The following HDAC8 variants were observed in gnomAD, a reference collection of about 807,000 sequenced individuals.
HDAC8 encodes histone deacetylase 8, also known as histone deacetylase-like 1.
HDAC8 carries 1 observed loss-of-function variant against 32.2 expected under a neutral mutation model. That is an observed-to-expected ratio of 0.03 (90% CI 0.01 to 0.15). The LOEUF is 0.15. HDAC8 is among the 10% of genes least tolerant of loss of function. The probability of loss-of-function intolerance (pLI) is 1.00; values close to 1 mark genes in which losing one functional copy is unlikely to be tolerated. For synonymous variants in HDAC8, 108 were observed against 113.9 expected, an observed-to-expected ratio of 0.95 and a Z score of 0.33; for missense variants, 117 against 300.0, an observed-to-expected ratio of 0.39 and a Z score of 4.51.
intron 9 of HDAC8, among the ~76,000 whole-genome samples, chrX:72,443,107 G>C (rs1196755995): frequency 1.5e-4 from 17 of 110,125 alleles, no homozygotes; most frequent in Admixed American, 3.9e-4. Context: ...ACACCCCACT[G>C]TCAACATTAG....
At chrX:72,340,270 A>T (rs1017669692) in intron 10 of HDAC8, among the ~76,000 whole-genome samples, 1 of 111,612 alleles carries the variant, frequency 9.0e-6, no homozygotes, top group Non-Finnish European at 1.9e-5. Flanking sequence ...GGGCCCCGGC[A>T]GTTGTCTATC....
intron 4 of HDAC8, among the ~76,000 whole-genome samples, chrX:72,559,676 C>T (rs1177949027): frequency 2.8e-5 from 3 of 107,752 alleles, no homozygotes; most frequent in African/African-American, 6.8e-5. Flanking sequence ...GCACCTCTGC[C>T]CCGCCACCCC....
chrX:72,441,870 G>T (rs1166458162), intron 9 of HDAC8, among the ~76,000 whole-genome samples: 1 of 112,096 alleles, frequency 8.9e-6, no homozygotes, highest in Admixed American at 9.4e-5. Context: ...GCCAAGGCTC[G>T]AGAACTATGT....
intron 9 of HDAC8, among the ~76,000 whole-genome samples, chrX:72,430,231 C>T (rs2147948215): frequency 8.9e-6 from 1 of 111,906 alleles, no homozygotes; most frequent in South Asian, 3.8e-4. Context: ...TTTACCTCCT[C>T]TTGCCTCCTT....
chrX:72,388,592 G>T (rs1442933044), intron 9 of HDAC8, among the ~76,000 whole-genome samples: 1 of 77,597 alleles, frequency 1.3e-5, no homozygotes, highest in Non-Finnish European at 2.2e-5. Context: ...ATGCCACAGT[G>T]ATTACACACA....
chrX:72,478,269 G>C (rs2048393931), intron 7 of HDAC8, among the ~76,000 whole-genome samples: 1 of 112,452 alleles, frequency 8.9e-6, no homozygotes, highest in Admixed American at 9.4e-5. Context: ...GTACTATGCT[G>C]TTAGTCTAGT....
chrX:72,366,796 C>A (rs192248922), intron 9 of HDAC8, among the ~76,000 whole-genome samples: 4 of 111,249 alleles, frequency 3.6e-5, no homozygotes, highest in Non-Finnish European at 7.5e-5. Context: ...GAAAAACAGG[C>A]GGCTCTAGTG....
intron 7 of HDAC8, among the ~76,000 whole-genome samples, chrX:72,480,137 A>G (rs948521109): frequency 8.9e-6 from 1 of 112,035 alleles, no homozygotes; most frequent in Non-Finnish European, 1.9e-5. Flanking sequence ...AGGCAGGATA[A>G]AAGTTTATTA....
At chrX:72,359,005 C>T (rs1423299190) in intron 9 of HDAC8, among the ~76,000 whole-genome samples, 5 of 111,050 alleles carry the variant, frequency 4.5e-5, no homozygotes, top group Admixed American at 9.5e-5. Context: ...CGGTTCCTAA[C>T]AGGCCACCAG....
intron 9 of HDAC8, 48 bp downstream of exon 9, chrX:72,461,956 T>C: frequency 1.0e-6 from 1 of 980,576 alleles, no homozygotes. Context: ...GTGGAATGAC[T>C]CAGCTCTTCC....
chrX:72,440,141 A>C (rs1003931875), intron 9 of HDAC8, among the ~76,000 whole-genome samples: 1 of 112,318 alleles, frequency 8.9e-6, no homozygotes, highest in Admixed American at 9.4e-5. Flanking sequence ...ACTACAGCAC[A>C]ATCAAATTAC....
chrX:72,567,850 C>G, intron 4 of HDAC8, 39 bp downstream of exon 4: 1 of 1,211,745 alleles, frequency 8.3e-7, no homozygotes, highest in Non-Finnish European at 1.1e-6. Context: ...GAAACTGACT[C>G]AAGGAAAGAG....
intron 4 of HDAC8, among the ~76,000 whole-genome samples, chrX:72,508,798 GCTC>G (rs1379206544): frequency 8.9e-6 from 1 of 112,128 alleles, no homozygotes; most frequent in African/African-American, 3.2e-5. Context: ...ACCAAATGTG[GCTC>G]CTCAACTTTG....
At chrX:72,473,754 CCAAAA>C (rs2148070421) in intron 7 of HDAC8, 1 of 754,414 alleles carries the variant, frequency 1.3e-6, no homozygotes, top group Non-Finnish European at 1.6e-6. Flanking sequence ...GATGCTGTTG[CCAAAA>C]CTTTACTGGG....
intron 9 of HDAC8, among the ~76,000 whole-genome samples, chrX:72,354,282 C>T (rs151182490): frequency 5.3e-5 from 6 of 112,174 alleles, no homozygotes; most frequent in African/African-American, 1.9e-4. Context: ...ATGTTATTCC[C>T]AGGTCCTGCT....
At chrX:72,462,131 G>A in intron 8 of HDAC8, 33 bp from the exon 9 acceptor site, 1 of 1,068,798 alleles carries the variant, frequency 9.4e-7, no homozygotes, top group Non-Finnish European at 1.3e-6. Flanking sequence ...AGTTAGGAAA[G>A]AATAGTCATA....
rs1430734260 is a variant in HDAC8 at position 72,464,702 on chromosome X, T to A, written c.767A>T (p.Asn256Ile). 2.5e-6 allele frequency: 3 copies of A among 1,204,010 alleles called. No homozygotes were observed. The African/African-American group carries it at 5.3e-5, about 21-fold the overall frequency. ...CAGCTGTAAGACCACTGCTTTGGGA[T>A]TAAAGGCTTGGTATACTTCCTTTAG... ...SVLKEVYQAF[N>I]PKAVVLQLGA... The change falls in exon 8 of 11, where the codon AAT becomes ATT. Residue 256 changes from asparagine to isoleucine, a missense_variant. By Grantham distance (149) the Asn-to-Ile change is moderately radical. Around this residue, in one of 4 missense-constraint regions of HDAC8, gnomAD observed 57 missense variants for 182.0 expected, o/e 0.31. Transcript: ENST00000373573.
At chrX:72,370,615 T>A (rs1208020313) in intron 9 of HDAC8, among the ~76,000 whole-genome samples, 1 of 112,076 alleles carries the variant, frequency 8.9e-6, no homozygotes, top group African/African-American at 3.2e-5. Flanking sequence ...TGCCTTGGGC[T>A]CCCAAAGTGC....
At chrX:72,418,176 A>G (rs2046396376) in intron 9 of HDAC8, among the ~76,000 whole-genome samples, 1 of 112,054 alleles carries the variant, frequency 8.9e-6, no homozygotes, top group African/African-American at 3.2e-5. Flanking sequence ...AAAGATGCCA[A>G]AAGCAATTGC....
Sources: allele counts gnomAD v4.1 joint callset (sites outside exome capture counted in the v4.1 genomes callset), GRCh38; gene constraint gnomAD v4.1.1; regional missense constraint gnomAD v4.1.1; transcripts MANE v1.5; gene names NCBI Gene and HGNC (gene_info 2026-07-23, HGNC 2026-07-21).